Variants in NDUFB6 observed in about 807,000 individuals in gnomAD.
The protein encoded by NDUFB6 is NADH:ubiquinone oxidoreductase subunit B6.
Under a neutral mutation model 17.5 loss-of-function variants are expected in NDUFB6, and 23 were observed. The observed-to-expected ratio is 1.31, with a 90% CI of 0.94 to 1.86. The LOEUF (loss-of-function observed/expected upper bound fraction) is 1.86. Among genes scored for constraint, NDUFB6 ranks in the 40% most tolerant of loss-of-function variants. The pLI, the probability that NDUFB6 is intolerant of heterozygous loss-of-function variation, is 0.00. For missense variants in NDUFB6, 167 were observed against 153.8 expected, an observed-to-expected ratio of 1.09 and a Z score of -0.46; for synonymous variants, 60 against 53.5, an observed-to-expected ratio of 1.12 and a Z score of -0.53.
At chr9:32,553,985 C>G in intron 3 of NDUFB6, 41 bp from the exon 4 acceptor site, 1 of 1,283,636 alleles carries the variant, frequency 7.8e-7, no homozygotes, top group Non-Finnish European at 1.1e-6. Flanking sequence ...AATCTTAAGT[C>G]TACAGAGGTG....
intron 1 of NDUFB6, among the ~76,000 whole-genome samples, chr9:32,571,933 G>A (rs1821948810): frequency 6.6e-6 from 1 of 152,162 alleles, no homozygotes; most frequent in South Asian, 2.1e-4. Flanking sequence ...ACTAGACTTT[G>A]TAGCACAGTA....
Position 32,553,958 on chromosome 9 carries a change from G to A in NDUFB6, c.319-14C>T, listed in dbSNP as rs75102800. 1 of 1,529,214 alleles carries A rather than the reference G, an allele frequency of 6.5e-7. No individual in the cohort carries two copies. The highest frequency in any genetic ancestry group is 1.1e-5 in the South Asian group (1 of 87,926). 94.7% of individuals were successfully genotyped at this position (1,529,214 alleles called of 1,614,324 possible). ...AATTGTATCACCCTAGGAAAACAAA[G>A]ATACAGTTAGTACAAAAATCTTAAG... On this transcript the variant is annotated splice_polypyrimidine_tract_variant and intron_variant, in intron 3 of 3. Coordinates refer to ENST00000379847, the MANE Select transcript of NDUFB6 (RefSeq NM_002493.5).
chr9:32,558,933 C>G lies in NDUFB6; in HGVS notation c.295G>C (p.Glu99Gln). The change falls in exon 3 of 4, where the codon GAA (glutamate) becomes CAA (glutamine). Residue 99 changes from glutamate to glutamine, a missense_variant. Coordinates refer to ENST00000379847, the MANE Select transcript of NDUFB6 (RefSeq NM_002493.5). ...HVSEKPYGIV[E>Q]KKSRIFPGDT... ...ACAGGGAATATTCTGGACTTCTTTT[C>G]AACTATGCCATATGGTTTTTCCTGT... is the stretch of plus-strand genomic sequence containing the variant. 6.3e-7 allele frequency: 1 copy of G among 1,584,080 alleles called. No individual in the cohort carries two copies. Among genetic ancestry groups the G allele is most frequent in the Non-Finnish European group, 8.7e-7 (1 of 1,156,008 alleles).
At chr9:32,566,852 G>T (rs570321523) in intron 2 of NDUFB6, 2 of 803,762 alleles carry the variant, frequency 2.5e-6, no homozygotes, top group East Asian at 6.0e-5. Flanking sequence ...AGTAGCTGCC[G>T]GGCGGCCTGG....
At chr9:32,555,926 G>C (rs988079806) in intron 3 of NDUFB6, among the ~76,000 whole-genome samples, 1 of 152,224 alleles carries the variant, frequency 6.6e-6, no homozygotes, top group Non-Finnish European at 1.5e-5. Flanking sequence ...CCAAGAACCA[G>C]TGACTACTAT....
chr9:32,566,857 G>T, intron 2 of NDUFB6: 1 of 720,966 alleles, frequency 1.4e-6, no homozygotes, highest in Non-Finnish European at 2.3e-6. Context: ...CTGCCGGGCG[G>T]CCTGGATGAG....
rs1487761197 is a variant in NDUFB6, at chr9:32,572,867, G to C, written c.180+14C>G. On this transcript the variant is annotated intron_variant, in intron 1 of 3. Coordinates refer to ENST00000379847, the MANE Select transcript of NDUFB6 (RefSeq NM_002493.5). ...GGGATGTGTTGGGGGGGACCGGAGA[G>C]GTCTGTCACTCACCATTTTCCTCCA... 5 of 1,556,588 alleles carry C rather than the reference G, an allele frequency of 3.2e-6. No homozygotes were observed. The South Asian group carries it at 3.6e-5, about 11-fold the overall frequency.
chr9:32,571,729 T>G (rs1821944848), intron 1 of NDUFB6, among the ~76,000 whole-genome samples: 1 of 149,650 alleles, frequency 6.7e-6, no homozygotes, highest in Admixed American at 6.7e-5. Flanking sequence ...TAAGGTAAGG[T>G]GAACTTCGAC....
chr9:32,557,408 A>T (rs1821495030), intron 3 of NDUFB6, among the ~76,000 whole-genome samples: 1 of 148,256 alleles, frequency 6.7e-6, no homozygotes, highest in Non-Finnish European at 1.5e-5. Flanking sequence ...GCCTCAAGGG[A>T]TCCACCCACC....
At chr9:32,569,862 C>A (rs1821901107) in intron 2 of NDUFB6, among the ~76,000 whole-genome samples, 1 of 151,514 alleles carries the variant, frequency 6.6e-6, no homozygotes, top group South Asian at 2.1e-4. Flanking sequence ...CGTTCTTTTA[C>A]ACTGCTATTA....
intron 3 of NDUFB6, among the ~76,000 whole-genome samples, chr9:32,558,326 T>C (rs936309834): frequency 2.0e-5 from 3 of 152,284 alleles, no homozygotes; most frequent in Non-Finnish European, 2.9e-5. Flanking sequence ...TTAGCCAGAA[T>C]GGTCTCGATC....
intron 3 of NDUFB6, 101 bp from the exon 4 acceptor site, chr9:32,554,045 T>C (rs899164057): frequency 1.4e-6 from 1 of 703,030 alleles, no homozygotes; most frequent in Admixed American, 2.8e-5. Flanking sequence ...GAAAATGTAC[T>C]TGAGTTCTGG....
rs201117028 is a variant in NDUFB6, at chr9:32,557,470, CT to C, written c.318+1439del. 4.9e-3 allele frequency among the ~76,000 whole-genome samples: 731 copies of C among 147,732 alleles called. 4 individuals are homozygous for C. Among genetic ancestry groups the C allele is most frequent in the African/African-American group, 0.017 (687 of 39,962 alleles). ...AGGCATGAGCCCCCGATACCCCCTA[CT>C]TTTTTTTTTCCTTTTTCCTTTTTTT... On this transcript the variant is annotated intron_variant, in intron 3 of 3. Transcript: ENST00000379847.
rs1821349503 is a variant in NDUFB6, at chr9:32,553,186, A to C, written c.*690T>G. ...AATCAAGTTTCTAAATTCTTCAAAA[A>C]TGATTCGGAAAGCTTTTTTTTTTTT... On this transcript the variant is annotated 3_prime_UTR_variant, in exon 4 of 4. Transcript: ENST00000379847. 3.1e-6 allele frequency: 1 copy of C among 320,434 alleles called. No individual in the cohort carries two copies. The highest frequency in any genetic ancestry group is 5.7e-5 in the South Asian group (1 of 17,502). 19.8% of individuals were successfully genotyped at this position (320,434 alleles called of 1,614,324 possible).
At position 32,572,906 on chromosome 9, in the gene NDUFB6, T is replaced by A; in HGVS notation, c.155A>T (p.Glu52Val). 1 of 1,601,770 alleles carries A rather than the reference T, an allele frequency of 6.2e-7. No individual in the cohort carries two copies. Among genetic ancestry groups the A allele is most frequent in the South Asian group, 1.1e-5 (1 of 90,148 alleles). Residue 52 changes from glutamate to valine, a missense_variant, in exon 1 of 4, where the codon GAG (glutamate) becomes GTG (valine). Physicochemically the swap from Glu to Val is moderately radical, Grantham distance 121. Coordinates refer to ENST00000379847, the MANE Select transcript of NDUFB6 (RefSeq NM_002493.5). Reference protein sequence around the residue: ...PMEKFWNKFLENKSPWRKMVH... With the variant: ...PMEKFWNKFLVNKSPWRKMVH... The stretch of plus-strand genomic sequence containing the variant: ...CATTTTCCTCCAAGGGGATTTATTC[T>A]CCAAAAATTTATTCCAGAATTTCTC...
At chr9:32,561,069 T>C (rs1355373918) in intron 2 of NDUFB6, among the ~76,000 whole-genome samples, 1 of 152,222 alleles carries the variant, frequency 6.6e-6, no homozygotes, top group African/African-American at 2.4e-5. Context: ...GTAGCCTTTT[T>C]ATGAACATAA....
chr9:32,566,615 A>C, intron 2 of NDUFB6: 1 of 788,536 alleles, frequency 1.3e-6, no homozygotes, highest in East Asian at 2.4e-5. Context: ...ATTCCTCCTG[A>C]GCCTCTGCAC....
intron 2 of NDUFB6, among the ~76,000 whole-genome samples, chr9:32,569,500 G>T (rs544827397): frequency 6.6e-6 from 1 of 152,112 alleles, no homozygotes; most frequent in Non-Finnish European, 1.5e-5. Flanking sequence ...TTACAGGCAT[G>T]AGCCACCGTG....
At chr9:32,566,755 C>G in intron 2 of NDUFB6, 1 of 913,022 alleles carries the variant, frequency 1.1e-6, no homozygotes. Flanking sequence ...GGGTCCTCAG[C>G]CCGGGTGTCG....
Sources: allele counts gnomAD v4.1 joint callset (sites outside exome capture counted in the v4.1 genomes callset), GRCh38; gene constraint gnomAD v4.1.1; transcripts MANE v1.5; gene names NCBI Gene and HGNC (gene_info 2026-07-23, HGNC 2026-07-21).